The following ENTREP2 variants were observed in gnomAD, a reference collection of about 807,000 sequenced individuals.
ENTREP2 encodes the protein endosomal transmembrane epsin interactor 2.
At chr15:29,124,652 C>T in the ENTREP2 span, 39 of 1,533,878 alleles carry the variant, frequency 2.5e-5, no homozygotes, top group Non-Finnish European at 3.2e-5. Context: ...TCCCAGCAGG[C>T]GCAGTCAAAG....
the ENTREP2 span, among the ~76,000 whole-genome samples, chr15:29,225,044 GC>G: frequency 6.6e-6 from 1 of 152,208 alleles, no homozygotes; most frequent in Non-Finnish European, 1.5e-5. Flanking sequence ...CGCTCTGAGT[GC>G]GGGGCCGCTG....
the ENTREP2 span, among the ~76,000 whole-genome samples, chr15:29,674,330 C>A: frequency 6.6e-6 from 1 of 152,156 alleles, no homozygotes; most frequent in Non-Finnish European, 1.5e-5. Context: ...AGTGCAGTGG[C>A]GCAATCTCAG....
the ENTREP2 span, among the ~76,000 whole-genome samples, chr15:29,200,505 T>C: frequency 6.6e-6 from 1 of 151,920 alleles, no homozygotes; most frequent in African/African-American, 2.4e-5. Flanking sequence ...AAGACTGTCA[T>C]TGTCTCCAAA....
At chr15:29,453,609 C>T in the ENTREP2 span, among the ~76,000 whole-genome samples, 5 of 152,324 alleles carry the variant, frequency 3.3e-5, no homozygotes, top group South Asian at 4.1e-4. Flanking sequence ...ATAATACATC[C>T]TCAAGGAAGG....
At chr15:29,412,886 A>C in the ENTREP2 span, among the ~76,000 whole-genome samples, 2 of 151,878 alleles carry the variant, frequency 1.3e-5, no homozygotes, top group South Asian at 4.2e-4. Context: ...TGATCACTTC[A>C]TTCCTATTCT....
At chr15:29,598,679 A>T in the ENTREP2 span, among the ~76,000 whole-genome samples, 3 of 142,194 alleles carry the variant, frequency 2.1e-5, no homozygotes, top group African/African-American at 7.6e-5. Context: ...AGTGACCTAA[A>T]ATCTTTTTTT....
At chr15:29,422,846 G>A in the ENTREP2 span, among the ~76,000 whole-genome samples, 1 of 152,146 alleles carries the variant, frequency 6.6e-6, no homozygotes, top group Non-Finnish European at 1.5e-5. Context: ...TGTACTCCAT[G>A]GAATTAGAAG....
the ENTREP2 span, among the ~76,000 whole-genome samples, chr15:29,411,816 T>C: frequency 4.6e-5 from 7 of 152,252 alleles, no homozygotes; most frequent in African/African-American, 1.4e-4. Context: ...CTGACACTGA[T>C]TCTCTTGCAT....
chr15:29,232,470 TTTTTTTTTAAAGAGATGGGGGGTCTCA>T, the ENTREP2 span, among the ~76,000 whole-genome samples: 7 of 151,654 alleles, frequency 4.6e-5, no homozygotes, highest in Non-Finnish European at 7.4e-5. Context: ...CTGCCTTCTT[TTTTTTTTTAAAGAGATGGGGGGTCTCA>T]TTTTTTTTAA....
the ENTREP2 span, among the ~76,000 whole-genome samples, chr15:29,393,466 C>T: frequency 2.6e-5 from 4 of 152,280 alleles, no homozygotes; most frequent in South Asian, 2.1e-4. Flanking sequence ...AGCCACATAC[C>T]GCCTGACGCT....
chr15:29,335,261 G>A, the ENTREP2 span, among the ~76,000 whole-genome samples: 7 of 152,296 alleles, frequency 4.6e-5, no homozygotes, highest in Admixed American at 4.6e-4. Flanking sequence ...AGTTAGATGG[G>A]TTTATCCGGA....
the ENTREP2 span, among the ~76,000 whole-genome samples, chr15:29,233,478 C>T: frequency 6.6e-6 from 1 of 152,086 alleles, no homozygotes; most frequent in African/African-American, 2.4e-5. Flanking sequence ...TCAAAGTTGG[C>T]ATCAAGGGTC....
chr15:29,564,445 G>A, the ENTREP2 span, among the ~76,000 whole-genome samples: 5 of 152,106 alleles, frequency 3.3e-5, no homozygotes, highest in African/African-American at 1.2e-4. Flanking sequence ...GCTTAACTTG[G>A]TGTATGTTTC....
the ENTREP2 span, among the ~76,000 whole-genome samples, chr15:29,674,511 G>A: frequency 1.3e-5 from 2 of 152,138 alleles, no homozygotes; most frequent in Non-Finnish European, 2.9e-5. Context: ...CTCGTGATCC[G>A]CCCGCCTCGG....
chr15:29,429,153 G>A, the ENTREP2 span, among the ~76,000 whole-genome samples: 1 of 151,190 alleles, frequency 6.6e-6, no homozygotes, highest in East Asian at 2.0e-4. Context: ...ATGTCTATCT[G>A]TCCATCCATC....
the ENTREP2 span, among the ~76,000 whole-genome samples, chr15:29,494,891 T>C: frequency 6.6e-6 from 1 of 152,200 alleles, no homozygotes; most frequent in Non-Finnish European, 1.5e-5. Context: ...TGTGCATGTG[T>C]GTGTGTGTCT....
At chr15:29,623,698 A>C in the ENTREP2 span, among the ~76,000 whole-genome samples, 2 of 152,162 alleles carry the variant, frequency 1.3e-5, no homozygotes, top group Non-Finnish European at 2.9e-5. Flanking sequence ...AGGTGCTAAA[A>C]GGAGGCAATC....
the ENTREP2 span, among the ~76,000 whole-genome samples, chr15:29,504,420 A>C: frequency 6.6e-6 from 1 of 152,256 alleles, no homozygotes; most frequent in African/African-American, 2.4e-5. Context: ...GATGTTTTGA[A>C]ACATGCACAC....
chr15:29,269,640 G>A, the ENTREP2 span: 11 of 1,575,470 alleles, frequency 7.0e-6, no homozygotes, highest in Admixed American at 1.1e-4. Flanking sequence ...TTCCGCTATG[G>A]CTCCAGTCTC....
Sources: gnomAD v4.1 joint callset for allele counts (sites outside exome capture counted in the v4.1 genomes callset) on GRCh38, gnomAD v4.1.1 for gene constraint, MANE v1.5 for transcripts, NCBI Gene and HGNC (gene_info 2026-07-23, HGNC 2026-07-21) for gene names.